Variants in PPP1R9A observed in about 807,000 individuals in gnomAD.
PPP1R9A encodes the protein neurabin-1.
Under a neutral mutation model 141.9 loss-of-function variants are expected in PPP1R9A, and 59 were observed. The observed-to-expected ratio is 0.42, with a 90% CI of 0.34 to 0.52. The LOEUF (loss-of-function observed/expected upper bound fraction) is 0.52, where lower values mean the gene tolerates loss of function less well. Among genes scored for constraint, PPP1R9A ranks in the 20% least tolerant of loss-of-function variants. The pLI, the probability that PPP1R9A is intolerant of heterozygous loss-of-function variation, is 0.10. For missense variants in PPP1R9A, 1,444 were observed against 1,611.9 expected (o/e 0.90, Z 1.78); for synonymous variants, 500 against 569.7 (o/e 0.88, Z 1.74).
Position 94,960,933 on chromosome 7 carries a change from C to T in PPP1R9A, c.1395+49425C>T, listed in dbSNP as rs576574790. ...AATAGAAAAGCAAAGTTCCAATGTGCTTTCTAAATCATCCCTATTGGTTTT... is the reference window on the plus strand; with the variant it reads ...AATAGAAAAGCAAAGTTCCAATGTGTTTTCTAAATCATCCCTATTGGTTTT... On this transcript the variant is annotated intron_variant, in intron 2 of 19. Transcript: ENST00000433360. Among the ~76,000 whole-genome samples, 46 of 151,722 alleles carry T rather than the reference C, an allele frequency of 3.0e-4. No individual in the cohort carries two copies. The South Asian group carries it at 4.4e-3, about 14-fold the overall frequency.
intron 14 of PPP1R9A, among the ~76,000 whole-genome samples, chr7:95,269,889 G>C (rs561646829): frequency 2.0e-5 from 3 of 152,124 alleles, no homozygotes; most frequent in Non-Finnish European, 4.4e-5. Flanking sequence ...AAACACTAAC[G>C]TAGTCATATA....
chr7:95,194,510 A>G (rs192131972), intron 5 of PPP1R9A, among the ~76,000 whole-genome samples: 5 of 152,202 alleles, frequency 3.3e-5, no homozygotes, highest in Admixed American at 3.3e-4. Flanking sequence ...CAGATAGGAA[A>G]GGAAGAAGTA....
At chr7:94,977,864 G>A (rs998541027) in intron 2 of PPP1R9A, among the ~76,000 whole-genome samples, 2 of 151,346 alleles carry the variant, frequency 1.3e-5, no homozygotes, top group African/African-American at 4.9e-5. Flanking sequence ...CCAGGTTCAA[G>A]CGATTCTTCT....
chr7:95,085,421 G>GTTT (rs113775726), intron 2 of PPP1R9A, among the ~76,000 whole-genome samples: 4 of 126,920 alleles, frequency 3.2e-5, no homozygotes, highest in Non-Finnish European at 5.0e-5. Flanking sequence ...AAAATTTTTG[G>GTTT]TTTTTTTTTT....
At chr7:95,041,318 A>T (rs1446485348) in intron 2 of PPP1R9A, among the ~76,000 whole-genome samples, 1 of 152,200 alleles carries the variant, frequency 6.6e-6, no homozygotes, top group Non-Finnish European at 1.5e-5. Flanking sequence ...CATGCAGAAA[A>T]ATAGGAGGAA....
intron 4 of PPP1R9A, among the ~76,000 whole-genome samples, chr7:95,123,089 A>G (rs967394191): frequency 9.9e-5 from 15 of 152,136 alleles, no homozygotes; most frequent in Admixed American, 2.0e-4. Context: ...TGCATTTAGT[A>G]GTTAACCAGT....
chr7:94,910,418 C>A lies in PPP1R9A; in HGVS notation c.305C>A (p.Pro102His). Residue 102 changes from proline to histidine, a missense_variant, in exon 2 of 20, where the codon CCC becomes CAC. By Grantham distance (77) the Pro-to-His change is moderately conservative. Transcript: ENST00000433360. The surrounding 1 kb of genome is among the most constrained non-coding windows in gnomAD (Gnocchi z 4.5). ...TCATCTCCTCAGAGAAGAATGAAGCCCAAAGAATTTCTGGAAAAAACAGAT... is the reference window on the plus strand; with the variant it reads ...TCATCTCCTCAGAGAAGAATGAAGCACAAAGAATTTCTGGAAAAAACAGAT... ...GHSSPQRRMK[P>H]KEFLEKTDGS... The A allele has an allele frequency of 6.2e-7, 1 of 1,613,934 alleles. No homozygotes were observed. The highest frequency in any genetic ancestry group is 8.5e-7 in the Non-Finnish European group (1 of 1,179,988).
intron 5 of PPP1R9A, among the ~76,000 whole-genome samples, chr7:95,186,971 C>CA (rs1834745422): frequency 6.6e-6 from 1 of 151,930 alleles, no homozygotes; most frequent in Non-Finnish European, 1.5e-5. Flanking sequence ...CTGTAGTTTT[C>CA]TTTTTTTGTT....
chr7:95,096,980 C>T (rs1818118861), intron 2 of PPP1R9A, among the ~76,000 whole-genome samples: 1 of 152,206 alleles, frequency 6.6e-6, no homozygotes. Context: ...GCATGGCCCA[C>T]ATCCCTTTAT....
At chr7:95,282,803 A>G (rs1171830518) in intron 16 of PPP1R9A, among the ~76,000 whole-genome samples, 2 of 152,120 alleles carry the variant, frequency 1.3e-5, no homozygotes, top group African/African-American at 4.8e-5. Context: ...ATCCCTTTAC[A>G]TTTGTATCTT....
At chr7:95,208,470 A>G (rs1336272228) in intron 7 of PPP1R9A, among the ~76,000 whole-genome samples, 5 of 152,192 alleles carry the variant, frequency 3.3e-5, no homozygotes, top group African/African-American at 1.2e-4. Flanking sequence ...TATGCCTGTA[A>G]TCCCAGGACT....
At chr7:95,186,444 G>A (rs1288592202) in intron 5 of PPP1R9A, among the ~76,000 whole-genome samples, 6 of 152,014 alleles carry the variant, frequency 3.9e-5, no homozygotes, top group African/African-American at 1.4e-4. Flanking sequence ...CTAGGTAAAC[G>A]ATCATATCAT....
chr7:95,218,332 A>G (rs143082810), intron 7 of PPP1R9A, among the ~76,000 whole-genome samples: 36 of 152,224 alleles, frequency 2.4e-4, no homozygotes, highest in African/African-American at 8.4e-4. Flanking sequence ...GGTCTGAGAG[A>G]CAGTTTGTTA....
intron 2 of PPP1R9A, among the ~76,000 whole-genome samples, chr7:95,091,164 C>A (rs751229636): frequency 2.0e-5 from 3 of 151,532 alleles, no homozygotes; most frequent in Non-Finnish European, 4.4e-5. Context: ...TGATTAATGT[C>A]AGTGTGCAGA....
intron 2 of PPP1R9A, among the ~76,000 whole-genome samples, chr7:94,991,034 T>C (rs1004041478): frequency 6.6e-6 from 1 of 152,168 alleles, no homozygotes; most frequent in Non-Finnish European, 1.5e-5. Context: ...GTCTCTGCAA[T>C]ATACTGATTT....
intron 2 of PPP1R9A, among the ~76,000 whole-genome samples, chr7:95,070,593 G>GTGTATATATATATA (rs376992260): frequency 5.4e-5 from 6 of 111,936 alleles, no homozygotes; most frequent in African/African-American, 2.1e-4. Flanking sequence ...TAAATCTCTG[G>GTGTATATATATATA]TATATATATA....
chr7:95,082,827 C>T (rs1816089012), intron 2 of PPP1R9A, among the ~76,000 whole-genome samples: 1 of 143,086 alleles, frequency 7.0e-6, no homozygotes, highest in South Asian at 2.2e-4. Context: ...GCGAACTCGG[C>T]TCACTGCAAG....
chr7:94,921,993 A>C (rs1338868614), intron 2 of PPP1R9A, among the ~76,000 whole-genome samples: 1 of 151,874 alleles, frequency 6.6e-6, no homozygotes, highest in Non-Finnish European at 1.5e-5. Flanking sequence ...CTGGGCCCGA[A>C]ATCTATGATT....
At chr7:95,114,127 G>A (rs921218300) in intron 3 of PPP1R9A, among the ~76,000 whole-genome samples, 2 of 152,098 alleles carry the variant, frequency 1.3e-5, no homozygotes, top group Admixed American at 1.3e-4. Context: ...ATTCATCAAT[G>A]GTAGAAAGGG....
Sources: allele counts gnomAD v4.1 joint callset (sites outside exome capture counted in the v4.1 genomes callset), GRCh38; gene constraint gnomAD v4.1.1; non-coding constraint Gnocchi (gnomAD v3.1); transcripts MANE v1.5; gene names NCBI Gene and HGNC (gene_info 2026-07-23, HGNC 2026-07-21).